ERC2: variants seen among roughly 807,000 people sequenced by gnomAD.
The protein encoded by ERC2 is ELKS/RAB6-interacting/CAST family member 2.
ERC2 carries 42 observed loss-of-function variants against 114.8 expected under a neutral mutation model. The observed-to-expected ratio is 0.37, with a 90% CI of 0.29 to 0.47. The LOEUF (loss-of-function observed/expected upper bound fraction) is 0.47. Ranked by LOEUF, ERC2 falls within the 20% of genes least tolerant of loss-of-function variation. ERC2 has a pLI of 0.99. For synonymous variants in ERC2, 454 were observed against 425.5 expected, an observed-to-expected ratio of 1.07 and a Z score of -0.82; for missense variants, 939 against 1,150.7, an observed-to-expected ratio of 0.82 and a Z score of 2.66.
At chr3:56,324,237 G>T (rs1426667165) in intron 2 of ERC2, among the ~76,000 whole-genome samples, 1 of 152,182 alleles carries the variant, frequency 6.6e-6, no homozygotes, top group African/African-American at 2.4e-5. Context: ...TTGTGACAGA[G>T]GGAGCTGGCT....
chr3:55,551,368 C>T (rs4271886), intron 17 of ERC2, among the ~76,000 whole-genome samples: 45,076 of 150,630 alleles, frequency 0.3, 7,076 homozygotes, highest in Middle Eastern at 0.4. Context: ...ACTGAAAATA[C>T]AAAAACTAGC....
At chr3:56,432,977 C>T (rs1379489648) in intron 2 of ERC2, among the ~76,000 whole-genome samples, 2 of 151,928 alleles carry the variant, frequency 1.3e-5, no homozygotes, top group Non-Finnish European at 2.9e-5. Flanking sequence ...AGTTCAAGAC[C>T]GGCCTTGGCA....
chr3:55,547,768 A>T (rs1464045737), intron 17 of ERC2, among the ~76,000 whole-genome samples: 1 of 152,182 alleles, frequency 6.6e-6, no homozygotes, highest in Non-Finnish European at 1.5e-5. Context: ...ATCCTCTCTG[A>T]AGGAATTGTC....
intron 13 of ERC2, among the ~76,000 whole-genome samples, chr3:55,940,822 C>T (rs1372680972): frequency 6.6e-6 from 1 of 152,168 alleles, no homozygotes; most frequent in Non-Finnish European, 1.5e-5. Context: ...TCCATAAAAT[C>T]CATGCAAAAC....
At position 55,566,711 on chromosome 3, in the gene ERC2, C is replaced by T. The variant is rs972266130; in HGVS notation, c.*40-55435G>A. On this transcript the variant is annotated intron_variant, in intron 17 of 17. Transcript: ENST00000288221. ...AAGTGCTGGGATTACAGGCATGAGC[C>T]ACCGTGCAACAGATTGTTGTTCTAT... Among the ~76,000 whole-genome samples, 64 of 152,208 alleles carry T rather than the reference C, an allele frequency of 4.2e-4. 1 individual carries two copies. The highest frequency in any genetic ancestry group is 1.5e-3 in the African/African-American group (63 of 41,522).
chr3:56,242,377 G>A (rs2150207584), intron 3 of ERC2, among the ~76,000 whole-genome samples: 1 of 152,244 alleles, frequency 6.6e-6, no homozygotes, highest in South Asian at 2.1e-4. Context: ...CTGCTCAGGT[G>A]ACGGGTATAC....
At chr3:56,297,644 G>A (rs73086439) in intron 2 of ERC2, among the ~76,000 whole-genome samples, 12,983 of 152,244 alleles carry the variant, frequency 0.085, 1,425 homozygotes, top group African/African-American at 0.26. Context: ...GACAGCAGCT[G>A]TTCATTCGCC....
intron 15 of ERC2, among the ~76,000 whole-genome samples, chr3:55,724,904 T>C (rs1220738616): frequency 6.6e-6 from 1 of 152,172 alleles, no homozygotes; most frequent in Non-Finnish European, 1.5e-5. Flanking sequence ...GAGGCGGTAA[T>C]GAACAGGTTA....
At chr3:55,551,116 A>G (rs1016620558) in intron 17 of ERC2, among the ~76,000 whole-genome samples, 1 of 151,734 alleles carries the variant, frequency 6.6e-6, no homozygotes, top group Non-Finnish European at 1.5e-5. Context: ...GTGTGTGTAT[A>G]TGTGTATAGA....
rs1346287147 is a variant in ERC2, at chr3:55,714,689, A to G, written c.2713-15177T>C. ...TGTGTATATATATATATATATATAT[A>G]TATATATATATATATATATATATAT... On this transcript the variant is annotated intron_variant, in intron 15 of 17. Coordinates refer to ENST00000288221, the MANE Select transcript of ERC2 (RefSeq NM_015576.3). Among the ~76,000 whole-genome samples, 281 of 130,218 alleles carry G rather than the reference A, an allele frequency of 2.2e-3. 1 individual carries two copies. Among genetic ancestry groups the G allele is most frequent in the African/African-American group, 7.1e-3 (213 of 30,146 alleles). The allele number at this position is 130,218 out of a possible 152,430, so 85.4% of individuals were successfully genotyped here.
intron 3 of ERC2, among the ~76,000 whole-genome samples, chr3:56,190,724 C>T (rs565048017): frequency 1.3e-5 from 2 of 152,002 alleles, no homozygotes; most frequent in African/African-American, 2.4e-5. Flanking sequence ...CAGGTGCATG[C>T]CACCACACCC....
intron 6 of ERC2, among the ~76,000 whole-genome samples, chr3:56,126,857 A>AAAGGCAAGGC (rs148784141): frequency 2.6e-5 from 4 of 151,434 alleles, no homozygotes; most frequent in Non-Finnish European, 4.4e-5. Context: ...AAAGGAAAAG[A>AAAGGCAAGGC]AAGGCAAGGC....
chr3:56,287,569 A>G (rs535629372), intron 3 of ERC2, among the ~76,000 whole-genome samples: 1 of 152,350 alleles, frequency 6.6e-6, no homozygotes, highest in South Asian at 2.1e-4. Flanking sequence ...CTCTGATAAG[A>G]TGTGGCAAGA....
intron 9 of ERC2, among the ~76,000 whole-genome samples, chr3:56,007,594 A>T (rs1216474816): frequency 1.3e-5 from 2 of 152,128 alleles, no homozygotes; most frequent in Admixed American, 6.6e-5. Context: ...CATGCTAATG[A>T]TGTAAGTCCC....
At chr3:56,148,882 A>G in intron 5 of ERC2, 95 bp downstream of exon 5, 1 of 1,086,238 alleles carries the variant, frequency 9.2e-7, no homozygotes, top group Non-Finnish European at 1.3e-6. Context: ...TATCACATAA[A>G]GCATATTATA....
intron 17 of ERC2, among the ~76,000 whole-genome samples, chr3:55,540,387 G>A (rs1170336778): frequency 6.6e-6 from 1 of 152,194 alleles, no homozygotes; most frequent in Non-Finnish European, 1.5e-5. Flanking sequence ...TTGTTGTGGT[G>A]AGAATGTTCC....
chr3:55,829,985 CA>C (rs2060500451), intron 14 of ERC2, among the ~76,000 whole-genome samples: 1 of 151,780 alleles, frequency 6.6e-6, no homozygotes, highest in South Asian at 2.1e-4. Context: ...ACAGGAGAAA[CA>C]AACAAACAAA....
intron 3 of ERC2, among the ~76,000 whole-genome samples, chr3:56,258,717 T>C (rs187245756): frequency 1.3e-5 from 2 of 152,300 alleles, no homozygotes; most frequent in Non-Finnish European, 2.9e-5. Flanking sequence ...CTGGCTGGAT[T>C]TGGCCCATGG....
At chr3:56,132,162 G>T (rs1012882064) in intron 6 of ERC2, among the ~76,000 whole-genome samples, 1 of 152,130 alleles carries the variant, frequency 6.6e-6, no homozygotes. Flanking sequence ...GTCCCTGGAG[G>T]CCACAAAGCA....
Sources: allele counts gnomAD v4.1 joint callset (sites outside exome capture counted in the v4.1 genomes callset), GRCh38; gene constraint gnomAD v4.1.1; transcripts MANE v1.5; gene names NCBI Gene and HGNC (gene_info 2026-07-23, HGNC 2026-07-21).